Variants in RTN1 observed in about 807,000 individuals in gnomAD.
RTN1 encodes reticulon-1.
RTN1 carries 25 observed loss-of-function variants against 65.5 expected under a neutral mutation model. That is an observed-to-expected ratio of 0.38 (90% CI 0.28 to 0.53). RTN1 has a LOEUF of 0.53. Ranked by LOEUF, RTN1 falls within the 20% of genes least tolerant of loss-of-function variation. The pLI, the probability that RTN1 is intolerant of heterozygous loss-of-function variation, is 0.79. For missense variants in RTN1, 983 were observed against 1,025.4 expected, an observed-to-expected ratio of 0.96 and a Z score of 0.57; for synonymous variants, 471 against 447.6, an observed-to-expected ratio of 1.05 and a Z score of -0.66.
chr14:59,704,553 C>T (rs1884250999), intron 3 of RTN1, among the ~76,000 whole-genome samples: 1 of 152,182 alleles, frequency 6.6e-6, no homozygotes, highest in Non-Finnish European at 1.5e-5. Flanking sequence ...ACACACTAGT[C>T]CACATTTCCA....
rs34046826 is a variant in RTN1 at position 59,707,708 on chromosome 14, TACACACACACAC to T, written c.1765+19199_1765+19210del. On this transcript the variant is annotated intron_variant, in intron 3 of 8. Transcript: ENST00000267484. Reference sequence around the variant, plus strand: ...TCTCTTTCCCTCTGTCTCTCTCTTTTACACACACACACACACACACACACACACACACACAAA... The same window carrying T: ...TCTCTTTCCCTCTGTCTCTCTCTTTTACACACACACACACACACACACAAA... 1.9e-4 allele frequency among the ~76,000 whole-genome samples: 28 copies of T among 145,776 alleles called. No individual in the cohort carries two copies. The South Asian group carries it at 5.0e-3, about 26-fold the overall frequency.
chr14:59,654,241 T>C (rs10132936), intron 3 of RTN1, among the ~76,000 whole-genome samples: 121,553 of 151,964 alleles, frequency 0.8, 48,720 homozygotes, highest in Admixed American at 0.86. Flanking sequence ...GCCTGGCCAA[T>C]GTGGCGAAAC....
Position 59,671,152 on chromosome 14 carries a change from A to C in RTN1, c.1765+55767T>G, listed in dbSNP as rs1334343518. On this transcript the variant is annotated intron_variant, in intron 3 of 8. Transcript: ENST00000267484. ...GTTGTTATGTAAGGTTTTTAAAGAC[A>C]GTTTGTCTTGTAAAGACACATCAAA... 5.9e-5 allele frequency among the ~76,000 whole-genome samples: 9 copies of C among 152,354 alleles called. No individual in the cohort carries two copies. The East Asian group carries it at 9.6e-4, about 16-fold the overall frequency.
intron 1 of RTN1, among the ~76,000 whole-genome samples, chr14:59,835,312 T>C (rs1408170975): frequency 6.6e-6 from 1 of 151,920 alleles, no homozygotes; most frequent in African/African-American, 2.4e-5. Context: ...TAATGAAAAG[T>C]GACAGAAAAG....
intron 2 of RTN1, among the ~76,000 whole-genome samples, chr14:59,731,973 A>T (rs979917614): frequency 6.6e-6 from 1 of 152,236 alleles, no homozygotes; most frequent in African/African-American, 2.4e-5. Flanking sequence ...CTCCTAGAGA[A>T]TAAAAAGAAA....
At chr14:59,685,073 G>C (rs1475734144) in intron 3 of RTN1, among the ~76,000 whole-genome samples, 1 of 152,116 alleles carries the variant, frequency 6.6e-6, no homozygotes, top group Non-Finnish European at 1.5e-5. Flanking sequence ...TGCAGGATAA[G>C]ACCCATATGA....
intron 3 of RTN1, among the ~76,000 whole-genome samples, chr14:59,718,963 T>G (rs145661523): frequency 6.6e-6 from 1 of 152,194 alleles, no homozygotes; most frequent in Admixed American, 6.5e-5. Flanking sequence ...TCTCCAATGC[T>G]ACCACCTCTC....
intron 1 of RTN1, among the ~76,000 whole-genome samples, chr14:59,789,698 T>C (rs1210574007): frequency 1.3e-5 from 2 of 152,066 alleles, no homozygotes; most frequent in Non-Finnish European, 2.9e-5. Flanking sequence ...AACTTCTACA[T>C]CTAATGCTTA....
At chr14:59,783,416 T>A (rs1299414048) in intron 1 of RTN1, among the ~76,000 whole-genome samples, 1 of 152,066 alleles carries the variant, frequency 6.6e-6, no homozygotes, top group Non-Finnish European at 1.5e-5. Flanking sequence ...TAGGGAATAA[T>A]ATGTCAGCTG....
Position 59,763,250 on chromosome 14 carries a change from T to C in RTN1, c.242-16769A>G, listed in dbSNP as rs186284108. Among the ~76,000 whole-genome samples the C allele has an allele frequency of 1.4e-4, 22 of 152,278 alleles. No homozygotes were observed. In the East Asian group the frequency reaches 4.2e-3, roughly 29 times the overall value. ...AAATCAAGGAAAATGACAAGAAAGA[T>C]TAATGTCCTTTATCAACAGCAGTAT... is the stretch of plus-strand genomic sequence containing the variant. On this transcript the variant is annotated intron_variant, in intron 1 of 8. Transcript: ENST00000267484.
At chr14:59,813,751 CA>C (rs1886770545) in intron 1 of RTN1, among the ~76,000 whole-genome samples, 1 of 152,110 alleles carries the variant, frequency 6.6e-6, no homozygotes, top group African/African-American at 2.4e-5. Flanking sequence ...GAATAAAATA[CA>C]AAATTAGTTT....
At position 59,697,475 on chromosome 14, in the gene RTN1, T is replaced by C. The variant is rs1594684304; in HGVS notation, c.1765+29444A>G. ...GAAGTTTCAGTGGCCCATTAAAGGA[T>C]TTGAGCTCTCAAATCTGTCATCACT... On this transcript the variant is annotated intron_variant, in intron 3 of 8. Coordinates refer to ENST00000267484, the MANE Select transcript of RTN1 (RefSeq NM_021136.3). Among the ~76,000 whole-genome samples the C allele has an allele frequency of 3.9e-5, 6 of 152,240 alleles. No individual in the cohort carries two copies. In the South Asian group the frequency reaches 1.2e-3, roughly 32 times the overall value.
intron 1 of RTN1, among the ~76,000 whole-genome samples, chr14:59,749,285 T>A (rs1237650937): frequency 1.5e-5 from 1 of 68,324 alleles, no homozygotes; most frequent in Admixed American, 2.1e-4. Context: ...TATCTATATA[T>A]ATCTATATAT....
intron 1 of RTN1, among the ~76,000 whole-genome samples, chr14:59,807,091 G>A (rs1886652825): frequency 6.6e-6 from 1 of 152,240 alleles, no homozygotes; most frequent in Admixed American, 6.5e-5. Context: ...GAGAGGCTGA[G>A]AGAGTGAAAG....
At chr14:59,831,470 C>T (rs1296529299) in intron 1 of RTN1, among the ~76,000 whole-genome samples, 2 of 152,140 alleles carry the variant, frequency 1.3e-5, no homozygotes, top group Non-Finnish European at 2.9e-5. Context: ...AGCTGGCCAA[C>T]CTTCAGACTG....
chr14:59,746,453 G>A lies in RTN1; in HGVS notation c.270C>T (p.Asp90=). Residue 90 remains aspartate (D), a synonymous_variant, in exon 2 of 9, where the codon GAC becomes GAT. Coordinates refer to ENST00000267484, the MANE Select transcript of RTN1 (RefSeq NM_021136.3). ...TGVAGVSSAM[D]HTFSTTSKDG... ...CTTTTGATGTTGTTGAGAAGGTGTG[G>A]TCCATGGCACTGGAAACACCTGCCA... is the stretch of plus-strand genomic sequence containing the variant. 3 of 1,601,318 alleles carry A rather than the reference G, an allele frequency of 1.9e-6. No individual in the cohort carries two copies. Among genetic ancestry groups the A allele is most frequent in the Non-Finnish European group, 2.6e-6 (3 of 1,174,070 alleles).
chr14:59,663,304 A>G (rs140353611), intron 3 of RTN1, among the ~76,000 whole-genome samples: 1 of 152,338 alleles, frequency 6.6e-6, no homozygotes, highest in Non-Finnish European at 1.5e-5. Flanking sequence ...ACCTAAAACC[A>G]TGAAAACACT....
At chr14:59,758,585 G>T (rs747745398) in intron 1 of RTN1, among the ~76,000 whole-genome samples, 70 of 152,242 alleles carry the variant, frequency 4.6e-4, no homozygotes, top group South Asian at 1.2e-3. Context: ...CCTCCTCTAG[G>T]AAGTTTCTTC....
At chr14:59,713,855 T>C (rs923482135) in intron 3 of RTN1, among the ~76,000 whole-genome samples, 1 of 152,134 alleles carries the variant, frequency 6.6e-6, no homozygotes, top group African/African-American at 2.4e-5. Context: ...ATTCCAGCAG[T>C]TGAGCAAAGG....
Sources: allele counts gnomAD v4.1 joint callset (sites outside exome capture counted in the v4.1 genomes callset), GRCh38; gene constraint gnomAD v4.1.1; transcripts MANE v1.5; gene names NCBI Gene and HGNC (gene_info 2026-07-23, HGNC 2026-07-21).